PNP: variants seen among roughly 807,000 people sequenced by gnomAD.
PNP encodes the protein HEL-S-156an.
In PNP, 18 loss-of-function variants were observed where a neutral mutation model predicts 26.8. The ratio of observed to expected loss-of-function variants is 0.67; its 90% CI spans 0.46 to 1.00. The LOEUF is 1.00. Ranked by LOEUF, PNP falls within the 50% of genes least tolerant of loss-of-function variation. The pLI is 0.00. For missense variants in PNP, 320 were observed against 362.9 expected (o/e 0.88, Z 0.96); for synonymous variants, 116 against 124.8 (o/e 0.93, Z 0.47).
chr14:20,476,431 C>T lies in PNP; in HGVS notation c.700C>T (p.Arg234Ter), dbSNP rs896550845. The change falls in exon 6 of 6, where the codon CGA becomes TGA. Residue 234 changes from arginine to a stop codon, truncating the protein, a stop_gained. Coordinates refer to ENST00000361505, the MANE Select transcript of PNP (RefSeq NM_000270.4). LOFTEE classifies it low-confidence loss of function (END_TRUNC). Reference protein sequence around the residue: ...EVIVARHCGLRVFGFSLITNK... With the variant: ...EVIVARHCGL ...TATCGTTGCACGGCACTGTGGACTT[C>T]GAGTCTTTGGCTTCTCACTCATCAC... The T allele has an allele frequency of 6.8e-6, 11 of 1,614,064 alleles. No individual in the cohort carries two copies. Among genetic ancestry groups the T allele is most frequent in the African/African-American group, 1.3e-5 (1 of 74,932 alleles).
chr14:20,474,682 C>T (rs1358117898), intron 3 of PNP, 91 bp from the exon 4 acceptor site: 1 of 1,561,820 alleles, frequency 6.4e-7, no homozygotes, highest in Non-Finnish European at 8.8e-7. Flanking sequence ...TGGTCCTCTC[C>T]TTCCTTTTCT....
chr14:20,475,319 G>C (rs2139338690), intron 5 of PNP, 67 bp downstream of exon 5: 55 of 1,373,778 alleles, frequency 4.0e-5, no homozygotes, highest in Non-Finnish European at 5.3e-5. Context: ...AGGGGAAGGA[G>C]TAGGAAATAA....
intron 3 of PNP, 91 bp from the exon 4 acceptor site, chr14:20,474,682 C>G (rs1358117898): frequency 6.4e-7 from 1 of 1,561,938 alleles, no homozygotes; most frequent in South Asian, 1.1e-5. Flanking sequence ...TGGTCCTCTC[C>G]TTCCTTTTCT....
intron 1 of PNP, chr14:20,469,823 CGT>C (rs898285779): frequency 5.0e-6 from 3 of 596,868 alleles, no homozygotes; most frequent in Non-Finnish European, 9.0e-6. Context: ...TGTGTGTCTC[CGT>C]GTGTGTGTTA....
intron 2 of PNP, 200 bp downstream of exon 2, chr14:20,472,677 A>G (rs1458426304): frequency 2.1e-5 from 14 of 664,166 alleles, no homozygotes; most frequent in Non-Finnish European, 3.5e-5. Flanking sequence ...GAGACAGGAC[A>G]TGTGTGTGTC....
chr14:20,474,388 C>T (rs557960801), intron 2 of PNP, 84 bp from the exon 3 acceptor site: 5 of 1,107,182 alleles, frequency 4.5e-6, no homozygotes, highest in South Asian at 1.3e-5. Context: ...TTGAGCAGAG[C>T]GAGTAACTCA....
At chr14:20,469,947 C>A (rs1313759009) in intron 1 of PNP, among the ~76,000 whole-genome samples, 1 of 152,220 alleles carries the variant, frequency 6.6e-6, no homozygotes, top group African/African-American at 2.4e-5. Flanking sequence ...CTGGGTAAAG[C>A]TGCGAGGTAC....
rs565187662 is a variant in PNP, at chr14:20,471,124, G to A, written c.12-1184G>A. Among the ~76,000 whole-genome samples, 477 of 151,532 alleles carry A rather than the reference G, an allele frequency of 3.1e-3. 2 individuals carry two copies. Among genetic ancestry groups the A allele is most frequent in the South Asian group, 7.3e-3 (35 of 4,794 alleles). ...TGGCTCACTGCAACCTCTGCCTCCCGGGTTCACACCATTCTACTGCCTCAG... is the reference window on the plus strand; with the variant it reads ...TGGCTCACTGCAACCTCTGCCTCCCAGGTTCACACCATTCTACTGCCTCAG... On this transcript the variant is annotated intron_variant, in intron 1 of 5. Transcript: ENST00000361505.
At position 20,469,470 on chromosome 14, in the gene PNP, C is replaced by T; in HGVS notation, c.-55C>T. 2 of 1,548,904 alleles carry T rather than the reference C, an allele frequency of 1.3e-6. No homozygotes were observed. The highest frequency in any genetic ancestry group is 1.7e-6 in the Non-Finnish European group (2 of 1,146,280). Reference sequence around the variant, plus strand: ...CATAGCGGAGCGGATCCGATCGGATCGGAGCGGATCGGAGCACACCGGAGC... The same window carrying T: ...CATAGCGGAGCGGATCCGATCGGATTGGAGCGGATCGGAGCACACCGGAGC... On this transcript the variant is annotated 5_prime_UTR_variant, in exon 1 of 6. Transcript: ENST00000361505.
chr14:20,472,348 C>G lies in PNP; in HGVS notation c.52C>G (p.Leu18Val). ...TTATAAGAACACTGCAGAATGGCTT[C>G]TGTCTCACACTAAGCACCGACCTCA... ...EDYKNTAEWL[L>V]SHTKHRPQVA... Residue 18 changes from leucine (L) to valine (V), a missense_variant, in exon 2 of 6, where the codon CTG becomes GTG. Physicochemically the swap from Leu to Val is conservative, Grantham distance 32. Transcript: ENST00000361505. The G allele has an allele frequency of 1.2e-6, 2 of 1,613,918 alleles. No homozygotes were observed.
chr14:20,471,139 T>C (rs1881977135), intron 1 of PNP, among the ~76,000 whole-genome samples: 2 of 151,094 alleles, frequency 1.3e-5, no homozygotes, highest in Non-Finnish European at 2.9e-5. Flanking sequence ...CACACCATTC[T>C]ACTGCCTCAG....
intron 3 of PNP, 62 bp from the exon 4 acceptor site, chr14:20,474,711 C>A (rs1364034552): frequency 6.3e-7 from 1 of 1,575,074 alleles, no homozygotes; most frequent in Non-Finnish European, 8.7e-7. Context: ...GTATGTCATG[C>A]ATTTCAGTGT....
intron 2 of PNP, chr14:20,473,671 T>G (rs1227609211): frequency 2.0e-5 from 3 of 152,280 alleles, no homozygotes; most frequent in African/African-American, 7.2e-5. Flanking sequence ...GTTCAAGAGA[T>G]TCTCCCACCT....
At position 20,476,822 on chromosome 14, in the gene PNP, T is replaced by C; in HGVS notation, c.*221T>C. ...TGTGAGCATAGTGAGACCTTGGCGC[T>C]ACAAAATAAAGCTGTTCTCATTCCT... On this transcript the variant is annotated 3_prime_UTR_variant, in exon 6 of 6. Coordinates refer to ENST00000361505, the MANE Select transcript of PNP (RefSeq NM_000270.4). 2 of 580,080 alleles carry C rather than the reference T, an allele frequency of 3.4e-6. No individual in the cohort carries two copies. Among genetic ancestry groups the C allele is most frequent in the Non-Finnish European group, 6.2e-6 (2 of 323,512 alleles). 35.9% of individuals were successfully genotyped at this position (580,080 alleles called of 1,614,324 possible).
chr14:20,475,861 C>T (rs551476936), intron 5 of PNP, among the ~76,000 whole-genome samples: 1 of 152,274 alleles, frequency 6.6e-6, no homozygotes, highest in South Asian at 2.1e-4. Context: ...GAAGATGGAA[C>T]TCTATCATTA....
intron 1 of PNP, 53 bp downstream of exon 1, chr14:20,469,588 C>T: frequency 6.4e-7 from 1 of 1,552,078 alleles, no homozygotes; most frequent in South Asian, 1.2e-5. Flanking sequence ...GGTGCTGTGA[C>T]CCGGGAACCT....
chr14:20,469,690 C>G (rs916575169), intron 1 of PNP, 155 bp downstream of exon 1: 3 of 1,056,122 alleles, frequency 2.8e-6, no homozygotes, highest in Non-Finnish European at 4.2e-6. Context: ...GGGAGCAAGG[C>G]GGCAGAGTCA....
Position 20,476,493 on chromosome 14 carries a change from G to A in PNP, c.762G>A (p.Lys254=). 1.2e-6 allele frequency: 2 copies of A among 1,614,144 alleles called. No individual in the cohort carries two copies. Among genetic ancestry groups the A allele is most frequent in the Non-Finnish European group, 1.7e-6 (2 of 1,180,020 alleles). ...TCATGGATTATGAAAGCCTGGAGAAGGCCAACCATGAAGAAGTCTTAGCAG... is the reference window on the plus strand; with the variant it reads ...TCATGGATTATGAAAGCCTGGAGAAAGCCAACCATGAAGAAGTCTTAGCAG... The part of the protein sequence containing the change: ...KVIMDYESLE[K]ANHEEVLAAG... Residue 254 remains lysine, a synonymous_variant, in exon 6 of 6, where the codon AAG becomes AAA. Transcript: ENST00000361505.
intron 2 of PNP, chr14:20,472,685 G>A: frequency 1.5e-6 from 1 of 648,672 alleles, no homozygotes; most frequent in Admixed American, 2.2e-5. Context: ...ACATGTGTGT[G>A]TCAGTGGACT....
Sources: allele counts gnomAD v4.1 joint callset (sites outside exome capture counted in the v4.1 genomes callset), GRCh38; gene constraint gnomAD v4.1.1; transcripts MANE v1.5; gene names NCBI Gene and HGNC (gene_info 2026-07-23, HGNC 2026-07-21).